XIAP: variants seen among roughly 807,000 people sequenced by gnomAD.
XIAP encodes X-linked inhibitor of apoptosis, also known as E3 ubiquitin-protein ligase XIAP.
A neutral mutation model predicts 33.1 loss-of-function variants in XIAP; 3 were observed. That is an observed-to-expected ratio of 0.09 (90% CI 0.04 to 0.23). The LOEUF is 0.23. XIAP is among the 10% of genes least tolerant of loss of function. The pLI, the probability that XIAP is intolerant of heterozygous loss-of-function variation, is 1.00. For synonymous variants in XIAP, 98 were observed against 121.3 expected, an observed-to-expected ratio of 0.81 and a Z score of 1.26; for missense variants, 264 against 363.0, an observed-to-expected ratio of 0.73 and a Z score of 2.22.
chrX:123,899,631 A>G (rs898861083), intron 5 of XIAP, among the ~76,000 whole-genome samples: 1 of 109,153 alleles, frequency 9.2e-6, no homozygotes, highest in African/African-American at 3.3e-5. Flanking sequence ...CTCATGCAGT[A>G]GGTACTCTTT....
intron 1 of XIAP, among the ~76,000 whole-genome samples, chrX:123,876,918 A>G (rs962506891): frequency 8.1e-5 from 9 of 111,634 alleles, no homozygotes; most frequent in African/African-American, 2.9e-4. Flanking sequence ...AAACATTCAC[A>G]CTACTTGAAT....
At chrX:123,872,321 T>C (rs1021478854) in intron 1 of XIAP, among the ~76,000 whole-genome samples, 3 of 109,231 alleles carry the variant, frequency 2.7e-5, no homozygotes, top group African/African-American at 1.0e-4. Context: ...GAAGTCCTTT[T>C]TTTTTTTTCG....
intron 3 of XIAP, 116 bp downstream of exon 3, chrX:123,888,834 G>T (rs1211425486): frequency 6.3e-6 from 4 of 630,797 alleles, no homozygotes; most frequent in African/African-American, 2.2e-5. Context: ...TTCATGCTAG[G>T]TTTATAAAAA....
At chrX:123,888,467 A>G (rs762674990) in intron 2 of XIAP, 152 bp from the exon 3 acceptor site, 3 of 527,748 alleles carry the variant, frequency 5.7e-6, no homozygotes, top group Admixed American at 2.6e-5. Flanking sequence ...GATAAAAATC[A>G]TATCTGTTAC....
chrX:123,886,627 G>A, intron 2 of XIAP, 88 bp downstream of exon 2: 2 of 1,005,586 alleles, frequency 2.0e-6, no homozygotes, highest in Non-Finnish European at 1.4e-6. Context: ...CCCCTGAACT[G>A]GTAAATATTT....
intron 1 of XIAP, among the ~76,000 whole-genome samples, chrX:123,861,618 G>A (rs915734200): frequency 2.7e-5 from 3 of 112,118 alleles, no homozygotes; most frequent in African/African-American, 3.2e-5. Context: ...ATGATCTAAT[G>A]TACGGTTTGA....
chrX:123,866,620 C>A (rs1333113916), intron 1 of XIAP, among the ~76,000 whole-genome samples: 1 of 99,344 alleles, frequency 1.0e-5, no homozygotes, highest in African/African-American at 3.7e-5. Flanking sequence ...ATATATAATA[C>A]AATATATGTA....
chrX:123,863,845 A>G (rs956519121), intron 1 of XIAP, among the ~76,000 whole-genome samples: 4 of 111,249 alleles, frequency 3.6e-5, no homozygotes, highest in African/African-American at 1.3e-4. Context: ...AATATTGCCC[A>G]CCGTAATATA....
chrX:123,879,533 T>A (rs2053278660), intron 1 of XIAP, among the ~76,000 whole-genome samples: 1 of 107,044 alleles, frequency 9.3e-6, no homozygotes, highest in African/African-American at 3.4e-5. Context: ...GCTAGGATGA[T>A]CTCTATCTCC....
chrX:123,899,013 C>A lies in XIAP; in HGVS notation c.1100-1480C>A, dbSNP rs777596036. Reference sequence around the variant, plus strand: ...GTGCATGCCTGTAATCCCAGCTACTCGAGAGGCTGAGGCAAGAGAATTGCT... The same window carrying A: ...GTGCATGCCTGTAATCCCAGCTACTAGAGAGGCTGAGGCAAGAGAATTGCT... On this transcript the variant is annotated intron_variant, in intron 5 of 6. Coordinates refer to ENST00000371199, the MANE Select transcript of XIAP (RefSeq NM_001167.4). Among the ~76,000 whole-genome samples, 24 of 97,037 alleles carry A rather than the reference C, an allele frequency of 2.5e-4. 1 individual carries two copies. The South Asian group carries it at 0.012, about 48-fold the overall frequency. The allele number at this position is 97,037 out of a possible 115,157, so 84.3% of individuals were successfully genotyped here. A position where few individuals can be genotyped will look rare whatever the true frequency, so the allele number is the denominator to read the frequency against.
intron 1 of XIAP, among the ~76,000 whole-genome samples, chrX:123,863,276 C>T: frequency 9.1e-6 from 1 of 109,943 alleles, no homozygotes; most frequent in Non-Finnish European, 1.9e-5. Context: ...CATGGTGAAA[C>T]CCCATCTCTA....
intron 1 of XIAP, among the ~76,000 whole-genome samples, chrX:123,861,755 G>A (rs1453913024): frequency 9.0e-6 from 1 of 111,550 alleles, no homozygotes; most frequent in African/African-American, 3.3e-5. Context: ...GTGCATATAT[G>A]TATTTATACA....
At chrX:123,872,750 G>A (rs2053206157) in intron 1 of XIAP, 1 of 111,476 alleles carries the variant, frequency 9.0e-6, no homozygotes, top group Non-Finnish European at 1.9e-5. Context: ...CTTCTCTTCT[G>A]CTGCTGGTTT....
At chrX:123,862,349 A>G (rs1161842978) in intron 1 of XIAP, among the ~76,000 whole-genome samples, 1 of 106,087 alleles carries the variant, frequency 9.4e-6, no homozygotes, top group Non-Finnish European at 1.9e-5. Flanking sequence ...GATTAAAGGT[A>G]TGAGCCACCT....
intron 1 of XIAP, chrX:123,873,911 GCGACACAGCAAGAGTC>G (rs1193238612): frequency 9.5e-6 from 1 of 105,594 alleles, no homozygotes; most frequent in African/African-American, 3.5e-5. Flanking sequence ...TCCAGCCTGG[GCGACACAGCAAGAGTC>G]CGTCTGAAAA....
rs765154489 is a variant in XIAP at position 123,888,603 on chromosome X, C to T, written c.878-16C>T. ...TCTAATTGCACAAATACATATATTC[C>T]TGTGTGTTTTCGTAGGTGAAGGTGA... is the stretch of plus-strand genomic sequence containing the variant. On this transcript the variant is annotated splice_polypyrimidine_tract_variant and intron_variant, in intron 2 of 6. Transcript: ENST00000371199. 1 of 1,189,834 alleles carries T rather than the reference C, an allele frequency of 8.4e-7. No individual in the cohort carries two copies. The highest frequency in any genetic ancestry group is 2.2e-5 in the Admixed American group (1 of 45,900).
chrX:123,886,193 T>C lies in XIAP; in HGVS notation c.531T>C (p.Ala177=). ...CCTTTCAGAACTGGCCAGACTATGCTCACCTAACCCCAAGAGAGTTAGCAA... is the reference window on the plus strand; with the variant it reads ...CCTTTCAGAACTGGCCAGACTATGCCCACCTAACCCCAAGAGAGTTAGCAA... ...LKSFQNWPDY[A]HLTPRELASA... Residue 177 remains alanine (A), a synonymous_variant, in exon 2 of 7, where the codon GCT becomes GCC. Transcript: ENST00000371199. The C allele has an allele frequency of 8.3e-7, 1 of 1,212,034 alleles. No individual in the cohort carries two copies. Among genetic ancestry groups the C allele is most frequent in the Non-Finnish European group, 1.1e-6 (1 of 895,625 alleles).
chrX:123,861,008 C>T (rs1383734629), intron 1 of XIAP, among the ~76,000 whole-genome samples: 2 of 111,656 alleles, frequency 1.8e-5, no homozygotes, highest in African/African-American at 6.5e-5. Context: ...TTTAATGACT[C>T]ACAGAAATTT....
chrX:123,880,418 A>G (rs1252579636), intron 1 of XIAP, among the ~76,000 whole-genome samples: 1 of 95,304 alleles, frequency 1.0e-5, no homozygotes, highest in African/African-American at 4.1e-5. Flanking sequence ...TCTCAAAAAA[A>G]AAAAAGAAAG....
Sources: allele counts gnomAD v4.1 joint callset (sites outside exome capture counted in the v4.1 genomes callset), GRCh38; gene constraint gnomAD v4.1.1; transcripts MANE v1.5; gene names NCBI Gene and HGNC (gene_info 2026-07-23, HGNC 2026-07-21).